The following PIAS2 variants were observed in gnomAD, a reference collection of about 807,000 sequenced individuals.
PIAS2 encodes the protein protein inhibitor of activated STAT 2, also known as E3 SUMO-protein ligase PIAS2.
A neutral mutation model predicts 69.7 loss-of-function variants in PIAS2; 19 were observed. That is an observed-to-expected ratio of 0.27 (90% CI 0.19 to 0.40). The LOEUF (loss-of-function observed/expected upper bound fraction) is 0.40. Among genes scored for constraint, PIAS2 ranks in the 10% least tolerant of loss-of-function variants. PIAS2 has a pLI of 1.00. For synonymous variants in PIAS2, 261 were observed against 263.2 expected (o/e 0.99, Z 0.08); for missense variants, 624 against 757.0 (o/e 0.82, Z 2.06).
chr18:46,863,861 T>C (rs1382577861), intron 3 of PIAS2, among the ~76,000 whole-genome samples: 1 of 152,072 alleles, frequency 6.6e-6, no homozygotes, highest in Non-Finnish European at 1.5e-5. Flanking sequence ...AAGGAGGAAA[T>C]TAAGGTTAAA....
At chr18:46,917,572 C>T, upstream of PIAS2, 9 of 1,084,182 alleles carry the variant, frequency 8.3e-6, no homozygotes, top group Non-Finnish European at 1.0e-5. Flanking sequence ...CCCCTGCCCA[C>T]CCGCGCGACC....
At chr18:46,879,496 T>C (rs1213586952) in intron 2 of PIAS2, among the ~76,000 whole-genome samples, 1 of 152,188 alleles carries the variant, frequency 6.6e-6, no homozygotes, top group Admixed American at 6.5e-5. Context: ...GAAAACAGTT[T>C]AGTGGTTCCT....
At chr18:46,906,724 G>T (rs2056641095) in intron 1 of PIAS2, among the ~76,000 whole-genome samples, 1 of 137,970 alleles carries the variant, frequency 7.2e-6, no homozygotes, top group African/African-American at 2.7e-5. Context: ...CTAATTTACA[G>T]ATTCAGTGCA....
chr18:46,816,166 A>T (rs2041510127), intron 12 of PIAS2: 11 of 985,276 alleles, frequency 1.1e-5, no homozygotes, highest in Non-Finnish European at 1.3e-5. Context: ...AAGACAGGCC[A>T]ATTTCTATTC....
chr18:46,899,809 G>A (rs1288730495), intron 1 of PIAS2, among the ~76,000 whole-genome samples: 1 of 151,760 alleles, frequency 6.6e-6, no homozygotes, highest in East Asian at 1.9e-4. Flanking sequence ...AAACAAATGT[G>A]GGGAGGGAGG....
chr18:46,918,389 A>G (rs2058254990), upstream of PIAS2, among the ~76,000 whole-genome samples: 1 of 152,054 alleles, frequency 6.6e-6, no homozygotes, highest in African/African-American at 2.4e-5. Context: ...GCCTCTTCCC[A>G]CTACCCCTCG....
At position 46,832,357 on chromosome 18, in the gene PIAS2, G is replaced by A. The variant is rs143605522; in HGVS notation, c.1203-2490C>T. Among the ~76,000 whole-genome samples the A allele has an allele frequency of 1.7e-3, 253 of 151,800 alleles. 1 individual carries two copies. Among genetic ancestry groups the A allele is most frequent in the Middle Eastern group, 6.8e-3 (2 of 294 alleles). ...TTGAACCCAGGAGGTGGAAGGTTGC[G>A]CTGAGCTGAGATCATGCCACTGCAC... is the stretch of plus-strand genomic sequence containing the variant. On this transcript the variant is annotated intron_variant, in intron 9 of 13. Coordinates refer to ENST00000585916, the MANE Select transcript of PIAS2 (RefSeq NM_004671.5).
intron 1 of PIAS2, among the ~76,000 whole-genome samples, chr18:46,899,824 C>T (rs1219828950): frequency 2.0e-5 from 3 of 147,130 alleles, no homozygotes; most frequent in African/African-American, 7.8e-5. Context: ...GGGAGGTAGT[C>T]AACTAAACAA....
chr18:46,849,837 C>A (rs2046702729), intron 5 of PIAS2, among the ~76,000 whole-genome samples: 1 of 152,124 alleles, frequency 6.6e-6, no homozygotes, highest in Non-Finnish European at 1.5e-5. Context: ...ATGCTTTTGG[C>A]CCCAAAGCCA....
chr18:46,878,999 G>A (rs1272781166), intron 2 of PIAS2, among the ~76,000 whole-genome samples: 2 of 152,190 alleles, frequency 1.3e-5, no homozygotes, highest in Non-Finnish European at 2.9e-5. Context: ...GATTAAAATG[G>A]CTCAGTCTAG....
chr18:46,830,430 C>T (rs955631658), intron 9 of PIAS2, among the ~76,000 whole-genome samples: 2 of 151,482 alleles, frequency 1.3e-5, no homozygotes, highest in African/African-American at 4.8e-5. Flanking sequence ...AGATTTTAAA[C>T]TGAATGAAAA....
At chr18:46,861,937 T>G (rs928699355) in intron 3 of PIAS2, among the ~76,000 whole-genome samples, 1 of 152,172 alleles carries the variant, frequency 6.6e-6, no homozygotes, top group Non-Finnish European at 1.5e-5. Flanking sequence ...GTTTTGATCA[T>G]TGTACTATGG....
intron 9 of PIAS2, among the ~76,000 whole-genome samples, chr18:46,830,294 G>C (rs2043412592): frequency 6.6e-6 from 1 of 151,988 alleles, no homozygotes; most frequent in Non-Finnish European, 1.5e-5. Context: ...GAAGAAAAGG[G>C]AAATAAAAGA....
intron 1 of PIAS2, among the ~76,000 whole-genome samples, chr18:46,900,846 C>T (rs551847893): frequency 5.9e-5 from 9 of 151,560 alleles, no homozygotes; most frequent in East Asian, 2.0e-4. Flanking sequence ...CGGTGGCAGG[C>T]GCCTATAATC....
intron 8 of PIAS2, 64 bp from the exon 9 acceptor site, chr18:46,836,581 G>T: frequency 8.0e-7 from 1 of 1,253,738 alleles, no homozygotes; most frequent in South Asian, 1.6e-5. Flanking sequence ...AGGGAACATG[G>T]TCAGTTGTAA....
intron 1 of PIAS2, chr18:46,904,187 T>C (rs2056276322): frequency 6.6e-6 from 1 of 152,044 alleles, no homozygotes; most frequent in South Asian, 2.1e-4. Context: ...TACTGTACTA[T>C]GGTCTTTAAG....
chr18:46,815,788 C>G, intron 12 of PIAS2: 1 of 996,004 alleles, frequency 1.0e-6, no homozygotes, highest in Non-Finnish European at 1.2e-6. Flanking sequence ...AAACAGATGT[C>G]TATTTCAATG....
chr18:46,891,130 A>G (rs1199563542), intron 1 of PIAS2, 76 bp from the exon 2 acceptor site: 1 of 1,090,232 alleles, frequency 9.2e-7, no homozygotes, highest in Non-Finnish European at 1.3e-6. Flanking sequence ...TATAATGTAA[A>G]ATGTGATTTT....
intron 2 of PIAS2, among the ~76,000 whole-genome samples, chr18:46,876,120 C>T (rs1247934803): frequency 2.0e-5 from 3 of 152,208 alleles, no homozygotes; most frequent in South Asian, 2.1e-4. Context: ...GGTATTGTGG[C>T]GGACCATCAC....
Sources: gnomAD v4.1 joint callset for allele counts (sites outside exome capture counted in the v4.1 genomes callset) on GRCh38, gnomAD v4.1.1 for gene constraint, MANE v1.5 for transcripts, NCBI Gene and HGNC (gene_info 2026-07-23, HGNC 2026-07-21) for gene names.